The following ANKS6 variants were observed in gnomAD, a reference collection of about 807,000 sequenced individuals.
ANKS6 encodes the protein ankyrin repeat and sterile alpha motif domain containing 6.
ANKS6 carries 47 observed loss-of-function variants against 77.9 expected under a neutral mutation model. The observed-to-expected ratio is 0.60, with a 90% CI of 0.48 to 0.77. The LOEUF (loss-of-function observed/expected upper bound fraction) is 0.77. Ranked by LOEUF, ANKS6 falls within the 30% of genes least tolerant of loss-of-function variation. The probability of loss-of-function intolerance (pLI) is 0.00; values close to 1 mark genes in which losing one functional copy is unlikely to be tolerated. For missense variants in ANKS6, 1,150 were observed against 1,159.1 expected (o/e 0.99, Z 0.11); for synonymous variants, 488 against 501.7 (o/e 0.97, Z 0.37).
At chr9:98,750,999 T>C (rs781461890) in intron 13 of ANKS6, 30 bp downstream of exon 13, 2 of 1,574,952 alleles carry the variant, frequency 1.3e-6, no homozygotes, top group Non-Finnish European at 1.7e-6. Flanking sequence ...TAGTAAGATT[T>C]AAATTGACAT....
intron 2 of ANKS6, among the ~76,000 whole-genome samples, chr9:98,787,098 C>T (rs1215888076): frequency 1.3e-5 from 2 of 152,200 alleles, no homozygotes; most frequent in East Asian, 3.8e-4. Flanking sequence ...AGGCAGAGAC[C>T]AGGGGACCTC....
At chr9:98,736,920 C>T (rs1019655751) in intron 14 of ANKS6, among the ~76,000 whole-genome samples, 3 of 152,180 alleles carry the variant, frequency 2.0e-5, no homozygotes, top group Admixed American at 6.5e-5. Context: ...TCTCCCGAGT[C>T]GCACGGCCCG....
Position 98,780,606 on chromosome 9 carries a change from TCACAGCCAGG to T in ANKS6, c.1220-279_1220-270del, listed in dbSNP as rs1351009624. On this transcript the variant is annotated intron_variant, in intron 5 of 14. Coordinates refer to ENST00000353234, the MANE Select transcript of ANKS6 (RefSeq NM_173551.5). ...GACAGTGTGTTTAAAAGTGCAGGCT[TCACAGCCAGG>T]CTGCAGAGGTTCAGATTCTGCTTCT... Among the ~76,000 whole-genome samples, 6 of 152,206 alleles carry T rather than the reference TCACAGCCAGG, an allele frequency of 3.9e-5. No homozygotes were observed. The East Asian group carries it at 1.2e-3, about 29-fold the overall frequency.
chr9:98,741,948 G>A (rs552893864), intron 14 of ANKS6, among the ~76,000 whole-genome samples: 2 of 152,326 alleles, frequency 1.3e-5, no homozygotes, highest in African/African-American at 4.8e-5. Context: ...GTAAACACAT[G>A]TAACTGAAAC....
In ANKS6 at chr9:98,734,473, T is replaced by A; in HGVS notation, c.*2046A>T. ...TCAAAGCACATAACGTCAGGGGCCATGAATTTCAGAGGCAAACAATTCTAG... is the reference window on the plus strand; with the variant it reads ...TCAAAGCACATAACGTCAGGGGCCAAGAATTTCAGAGGCAAACAATTCTAG... On this transcript the variant is annotated 3_prime_UTR_variant, in exon 15 of 15. Coordinates refer to ENST00000353234, the MANE Select transcript of ANKS6 (RefSeq NM_173551.5). The A allele has an allele frequency of 1.0e-6, 1 of 985,418 alleles. No individual in the cohort carries two copies. The highest frequency in any genetic ancestry group is 4.7e-5 in the South Asian group (1 of 21,276). 61.0% of individuals were successfully genotyped at this position (985,418 alleles called of 1,614,324 possible). A position where few individuals can be genotyped will look rare whatever the true frequency, so the allele number is the denominator to read the frequency against.
rs894130408 is a variant in ANKS6, at chr9:98,733,299, G to A, written c.*3220C>T. Reference sequence around the variant, plus strand: ...GAGAGGCAGGAGCCCTCCGTGGCCAGCAGGGACTTGGACATCCAGCACTCA... The same window carrying A: ...GAGAGGCAGGAGCCCTCCGTGGCCAACAGGGACTTGGACATCCAGCACTCA... On this transcript the variant is annotated 3_prime_UTR_variant, in exon 15 of 15. Transcript: ENST00000353234. 34 of 985,416 alleles carry A rather than the reference G, an allele frequency of 3.5e-5. No homozygotes were observed. The highest frequency in any genetic ancestry group is 6.1e-5 in the Admixed American group (1 of 16,270). The allele number at this position is 985,416 out of a possible 1,614,324, so 61.0% of individuals were successfully genotyped here.
Position 98,796,313 on chromosome 9 carries a change from GC to G in ANKS6, c.178del (p.Ala60GlnfsTer65). On this transcript the variant is annotated frameshift_variant, in exon 1 of 15. Coordinates refer to ENST00000353234, the MANE Select transcript of ANKS6 (RefSeq NM_173551.5). LOFTEE classifies it high-confidence loss of function. The stretch of plus-strand genomic sequence containing the variant: ...CGGAGCCCCGACTGCCCCCGCCGCT[GC>G]GGCCCCGGGCCCGGCCACCTCGGCC... ...AGAEVAGPGAAAAGAVGAPVP... is the reference protein window; with the variant it reads ...AGAEVAGPGAXAAGAVGAPVP... 8.1e-7 allele frequency: 1 copy of G among 1,241,614 alleles called. No homozygotes were observed. Among genetic ancestry groups the G allele is most frequent in the Non-Finnish European group, 1.0e-6 (1 of 993,168 alleles). 76.9% of individuals were successfully genotyped at this position (1,241,614 alleles called of 1,614,324 possible). A position where few individuals can be genotyped will look rare whatever the true frequency, so the allele number is the denominator to read the frequency against.
chr9:98,786,455 C>A (rs1819627637), intron 2 of ANKS6, among the ~76,000 whole-genome samples: 2 of 152,064 alleles, frequency 1.3e-5, no homozygotes, highest in Non-Finnish European at 2.9e-5. Flanking sequence ...CCGCATCTGG[C>A]TAATTTTTGT....
Position 98,732,614 on chromosome 9 carries a change from G to T in ANKS6, c.*3905C>A. 1 of 1,549,554 alleles carries T rather than the reference G, an allele frequency of 6.5e-7. No individual in the cohort carries two copies. Among genetic ancestry groups the T allele is most frequent in the Non-Finnish European group, 8.7e-7 (1 of 1,146,766 alleles). Reference sequence around the variant, plus strand: ...TGAGAGATGAAAGGATTTAAAATGGGCAACCATCTTTGAGGTTTCCCACAT... The same window carrying T: ...TGAGAGATGAAAGGATTTAAAATGGTCAACCATCTTTGAGGTTTCCCACAT... On this transcript the variant is annotated 3_prime_UTR_variant, in exon 15 of 15. Coordinates refer to ENST00000353234, the MANE Select transcript of ANKS6 (RefSeq NM_173551.5).
chr9:98,733,532 A>C lies in ANKS6; in HGVS notation c.*2987T>G. On this transcript the variant is annotated 3_prime_UTR_variant, in exon 15 of 15. Transcript: ENST00000353234. ...AGCTGCTGGGGAGAAAAAGGTGACC[A>C]CCAAGGGCCCTGACCCACTTCCAGG... The C allele has an allele frequency of 1.0e-6, 1 of 985,496 alleles. No homozygotes were observed. Among genetic ancestry groups the C allele is most frequent in the African/African-American group, 1.7e-5 (1 of 57,364 alleles). 61.0% of individuals were successfully genotyped at this position (985,496 alleles called of 1,614,324 possible).
At chr9:98,784,773 G>C in intron 3 of ANKS6, 59 bp downstream of exon 3, 1 of 1,473,286 alleles carries the variant, frequency 6.8e-7, no homozygotes. Flanking sequence ...CAAATATTAG[G>C]TTGGGAGAAT....
intron 11 of ANKS6, among the ~76,000 whole-genome samples, chr9:98,764,088 C>G (rs1392880084): frequency 2.0e-5 from 3 of 152,118 alleles, no homozygotes; most frequent in Non-Finnish European, 4.4e-5. Context: ...TTCTAGAAAA[C>G]TAGAAGAGGA....
chr9:98,756,837 G>C (rs1832732340), intron 11 of ANKS6, among the ~76,000 whole-genome samples: 2 of 152,182 alleles, frequency 1.3e-5, no homozygotes, highest in South Asian at 2.1e-4. Context: ...TGCATATTAT[G>C]AGTCAGGAAC....
intron 12 of ANKS6, among the ~76,000 whole-genome samples, chr9:98,754,685 T>C (rs533580411): frequency 6.6e-6 from 1 of 150,680 alleles, no homozygotes; most frequent in South Asian, 2.1e-4. Flanking sequence ...GCCCCCGGCC[T>C]ATAACAATCA....
chr9:98,754,705 A>G (rs907927210), intron 12 of ANKS6, among the ~76,000 whole-genome samples: 3 of 152,086 alleles, frequency 2.0e-5, no homozygotes, highest in Non-Finnish European at 2.9e-5. Context: ...ATATACCCAC[A>G]GGACAAAGGG....
rs1833578925 is a variant in ANKS6 at position 98,770,814 on chromosome 9, C to A, written c.1972+82G>T. ...GCGTGGTCATTTCTGCGACTGTCTG[C>A]AACCTGAATATCCAGGCAGTGCACA... On this transcript the variant is annotated intron_variant, in intron 10 of 14. Coordinates refer to ENST00000353234, the MANE Select transcript of ANKS6 (RefSeq NM_173551.5). 4.7e-6 allele frequency: 6 copies of A among 1,264,092 alleles called. No individual in the cohort carries two copies. The South Asian group carries it at 2.1e-4, about 44-fold the overall frequency. 78.3% of individuals were successfully genotyped at this position (1,264,092 alleles called of 1,614,324 possible).
At chr9:98,773,741 G>T in intron 9 of ANKS6, 136 bp downstream of exon 9, 1 of 658,524 alleles carries the variant, frequency 1.5e-6, no homozygotes, top group East Asian at 3.2e-5. Context: ...TTAGACAAAA[G>T]GATATCATCC....
chr9:98,754,620 T>C (rs1832601221), intron 12 of ANKS6, among the ~76,000 whole-genome samples: 1 of 150,132 alleles, frequency 6.7e-6, no homozygotes, highest in Non-Finnish European at 1.5e-5. Flanking sequence ...CCAGCATGGG[T>C]GACAGAGCAA....
chr9:98,744,678 C>T (rs1832023689), intron 14 of ANKS6, among the ~76,000 whole-genome samples: 2 of 151,942 alleles, frequency 1.3e-5, no homozygotes, highest in African/African-American at 2.4e-5. Flanking sequence ...CTCCACATAT[C>T]GTGGAACACA....
Sources: allele counts gnomAD v4.1 joint callset (sites outside exome capture counted in the v4.1 genomes callset), GRCh38; gene constraint gnomAD v4.1.1; transcripts MANE v1.5; gene names NCBI Gene and HGNC (gene_info 2026-07-23, HGNC 2026-07-21).